PTPRD: variants seen among roughly 807,000 people sequenced by gnomAD.
The protein encoded by PTPRD is receptor-type tyrosine-protein phosphatase delta.
PTPRD carries 34 observed loss-of-function variants against 214.5 expected under a neutral mutation model. The ratio of observed to expected loss-of-function variants is 0.16; its 90% CI spans 0.12 to 0.21. The LOEUF (loss-of-function observed/expected upper bound fraction) is 0.21, where lower values mean the gene tolerates loss of function less well. Ranked by LOEUF, PTPRD falls within the 10% of genes least tolerant of loss-of-function variation. The probability of loss-of-function intolerance (pLI) is 1.00; values close to 1 mark genes in which losing one functional copy is unlikely to be tolerated. For missense variants in PTPRD, 2,545 were observed against 2,398.7 expected, an observed-to-expected ratio of 1.06 and a Z score of -1.27; for synonymous variants, 1,128 against 845.7, an observed-to-expected ratio of 1.33 and a Z score of -5.79.
At chr9:9,215,908 A>G (rs1328427624) in intron 9 of PTPRD, among the ~76,000 whole-genome samples, 2 of 152,186 alleles carry the variant, frequency 1.3e-5, no homozygotes, top group South Asian at 4.1e-4. Context: ...TAGTAAATGG[A>G]CAAGTACTGT....
chr9:8,941,474 C>G (rs1234495712), intron 11 of PTPRD, among the ~76,000 whole-genome samples: 1 of 152,070 alleles, frequency 6.6e-6, no homozygotes, highest in African/African-American at 2.4e-5. Context: ...TATATGGGTC[C>G]TGGCTCCACT....
At chr9:9,382,501 T>C (rs1024316264) in intron 9 of PTPRD, among the ~76,000 whole-genome samples, 9 of 152,116 alleles carry the variant, frequency 5.9e-5, no homozygotes, top group African/African-American at 1.7e-4. Context: ...ATAACCCAAA[T>C]AGAAACTGGG....
At chr9:9,143,565 A>G (rs2099863725) in intron 10 of PTPRD, among the ~76,000 whole-genome samples, 1 of 152,230 alleles carries the variant, frequency 6.6e-6, no homozygotes. Context: ...TAATTTTTAA[A>G]GACCGAATGT....
intron 8 of PTPRD, among the ~76,000 whole-genome samples, chr9:9,504,939 G>A (rs1212847535): frequency 6.6e-6 from 1 of 151,590 alleles, no homozygotes; most frequent in Non-Finnish European, 1.5e-5. Context: ...GCAGTAGAGA[G>A]GCTAAGAAGG....
intron 7 of PTPRD, among the ~76,000 whole-genome samples, chr9:9,700,233 GAATT>G (rs2097467661): frequency 6.6e-6 from 1 of 152,076 alleles, no homozygotes; most frequent in Non-Finnish European, 1.5e-5. Context: ...CATAAAAGTG[GAATT>G]ATTTTATAAT....
chr9:9,554,438 T>G (rs2081041878), intron 8 of PTPRD, among the ~76,000 whole-genome samples: 1 of 152,018 alleles, frequency 6.6e-6, no homozygotes, highest in Non-Finnish European at 1.5e-5. Context: ...ACTCTTGTTT[T>G]TAGGTTACAC....
At chr9:9,947,346 A>ATATATT (rs1263631395) in intron 4 of PTPRD, among the ~76,000 whole-genome samples, 5 of 43,690 alleles carry the variant, frequency 1.1e-4, no homozygotes, top group African/African-American at 2.3e-4. Flanking sequence ...TTATATATAT[A>ATATATT]ATATATATTA....
intron 6 of PTPRD, among the ~76,000 whole-genome samples, chr9:9,758,442 C>T (rs2098610561): frequency 6.6e-6 from 1 of 152,116 alleles, no homozygotes; most frequent in South Asian, 2.1e-4. Flanking sequence ...TCAGCCAGCT[C>T]TGCCACATTA....
intron 9 of PTPRD, among the ~76,000 whole-genome samples, chr9:9,288,855 C>T (rs1950298200): frequency 6.6e-6 from 1 of 151,782 alleles, no homozygotes. Context: ...CTCATGAGAT[C>T]TGATGGTTTT....
intron 14 of PTPRD, among the ~76,000 whole-genome samples, chr9:8,616,536 C>T (rs1017917495): frequency 6.6e-6 from 1 of 152,008 alleles, no homozygotes; most frequent in Admixed American, 6.6e-5. Context: ...AGAATGATAA[C>T]CATAGATTAG....
In PTPRD at chr9:9,104,871, G is replaced by A. The variant is rs187073437; in HGVS notation, c.-143+78433C>T. Among the ~76,000 whole-genome samples, 821 of 152,254 alleles carry A rather than the reference G, an allele frequency of 5.4e-3. 8 individuals are homozygous for A. Among genetic ancestry groups the A allele is most frequent in the African/African-American group, 0.019 (784 of 41,544 alleles). ...AACTGCAAGAATTGATAATAGCCAC[G>A]AGTGAGACAAACAAACTGGTGGCTG... is the stretch of plus-strand genomic sequence containing the variant. On this transcript the variant is annotated intron_variant, in intron 10 of 45. Coordinates refer to ENST00000381196, the MANE Select transcript of PTPRD (RefSeq NM_002839.4).
chr9:8,454,566 T>G (rs7031287), intron 33 of PTPRD: 1 of 1,611,936 alleles, frequency 6.2e-7, no homozygotes, highest in East Asian at 2.2e-5. Context: ...AGGGGTTTGT[T>G]CTCTATTCCT....
chr9:9,001,279 G>C (rs1172585655), intron 11 of PTPRD, among the ~76,000 whole-genome samples: 1 of 151,988 alleles, frequency 6.6e-6, no homozygotes, highest in Non-Finnish European at 1.5e-5. Context: ...CCTGGGGAAG[G>C]TTTAGCAGGA....
chr9:8,598,281 G>T lies in PTPRD; in HGVS notation c.352+35036C>A, dbSNP rs111867842. On this transcript the variant is annotated intron_variant, in intron 14 of 45. Transcript: ENST00000381196. The stretch of plus-strand genomic sequence containing the variant: ...AGCCTGGCCAACATGGTGAAACCCT[G>T]TCTCTATTAAAAATATGAAAATTAG... 5.0e-3 allele frequency among the ~76,000 whole-genome samples: 764 copies of T among 152,124 alleles called. 8 individuals are homozygous for T. The highest frequency in any genetic ancestry group is 0.016 in the African/African-American group (662 of 41,522).
chr9:8,857,085 T>C (rs1201518635), intron 11 of PTPRD, among the ~76,000 whole-genome samples: 1 of 152,218 alleles, frequency 6.6e-6, no homozygotes, highest in Non-Finnish European at 1.5e-5. Flanking sequence ...CTACGAGCTT[T>C]GATTCTGCCA....
chr9:8,656,321 C>G (rs2096908624), intron 12 of PTPRD, among the ~76,000 whole-genome samples: 2 of 152,166 alleles, frequency 1.3e-5, no homozygotes, highest in Non-Finnish European at 2.9e-5. Flanking sequence ...AATATTTTCA[C>G]TAAAACACCT....
At chr9:8,690,608 T>C (rs891401582) in intron 12 of PTPRD, among the ~76,000 whole-genome samples, 1 of 151,606 alleles carries the variant, frequency 6.6e-6, no homozygotes, top group Non-Finnish European at 1.5e-5. Flanking sequence ...GAGAACACAA[T>C]ATGTTTCTCA....
At chr9:9,299,751 G>C (rs1169382993) in intron 9 of PTPRD, among the ~76,000 whole-genome samples, 3 of 151,340 alleles carry the variant, frequency 2.0e-5, no homozygotes, top group Non-Finnish European at 4.4e-5. Context: ...TAAATGGATA[G>C]AATAGACACA....
chr9:10,112,555 A>G (rs1204581536), intron 3 of PTPRD, among the ~76,000 whole-genome samples: 1 of 152,154 alleles, frequency 6.6e-6, no homozygotes, highest in African/African-American at 2.4e-5. Flanking sequence ...CAACTGTTTT[A>G]CAACCAGGAT....
Sources: allele counts gnomAD v4.1 joint callset (sites outside exome capture counted in the v4.1 genomes callset), GRCh38; gene constraint gnomAD v4.1.1; transcripts MANE v1.5; gene names NCBI Gene and HGNC (gene_info 2026-07-23, HGNC 2026-07-21).